Variants in FBXO4 observed in about 807,000 individuals in gnomAD.
The protein encoded by FBXO4 is F-box protein 4.
In FBXO4, 36 loss-of-function variants were observed where a neutral mutation model predicts 43.7. The observed-to-expected ratio is 0.82, with a 90% CI of 0.63 to 1.09. The LOEUF is 1.09. Among genes scored for constraint, FBXO4 ranks in the 50% least tolerant of loss-of-function variants. The pLI is 0.00. For missense variants in FBXO4, 435 were observed against 474.1 expected (o/e 0.92, Z 0.77); for synonymous variants, 180 against 165.6 (o/e 1.09, Z -0.67).
chr5:41,969,292 A>G, the FBXO4 span, among the ~76,000 whole-genome samples: 1 of 152,214 alleles, frequency 6.6e-6, no homozygotes, highest in Non-Finnish European at 1.5e-5. Context: ...TAGTTTAATG[A>G]GTGCTTATAA....
the FBXO4 span, among the ~76,000 whole-genome samples, chr5:41,976,002 C>T: frequency 6.6e-6 from 1 of 151,906 alleles, no homozygotes; most frequent in South Asian, 2.1e-4. Flanking sequence ...AGAGTGGGAG[C>T]AAGAAAGAGA....
the FBXO4 span, among the ~76,000 whole-genome samples, chr5:42,033,693 C>T: frequency 3.3e-5 from 5 of 152,138 alleles, no homozygotes; most frequent in Admixed American, 1.3e-4. Context: ...ATCCATGTGC[C>T]TGCAAAGGAT....
chr5:41,982,670 CTT>C, the FBXO4 span, among the ~76,000 whole-genome samples: 2 of 151,924 alleles, frequency 1.3e-5, no homozygotes, highest in Non-Finnish European at 2.9e-5. Flanking sequence ...TACTAATTCT[CTT>C]TGTGATAATT....
In FBXO4 at chr5:41,934,247, T is replaced by A. The variant is rs758308528; in HGVS notation, c.837T>A (p.Ile279=). The A allele has an allele frequency of 1.9e-6, 3 of 1,614,174 alleles. No homozygotes were observed. In the South Asian group the frequency reaches 3.3e-5, roughly 18 times the overall value. The change falls in exon 5 of 7, where the codon ATT becomes ATA. Residue 279 remains isoleucine, a synonymous_variant. Transcript: ENST00000281623. Reference sequence around the variant, plus strand: ...GCCGGTACAGTGTGATTCCACAGATTCAAAAAGTGTGTGAAGTTGTAGATG... The same window carrying A: ...GCCGGTACAGTGTGATTCCACAGATACAAAAAGTGTGTGAAGTTGTAGATG... ...QGSRYSVIPQ[I]QKVCEVVDGF... is the part of the protein sequence containing the mutation.
intron 3 of FBXO4, 75 bp from the exon 4 acceptor site, chr5:41,933,871 C>T: frequency 1.6e-6 from 2 of 1,229,092 alleles, no homozygotes; most frequent in Non-Finnish European, 1.2e-6. Context: ...TTTGCTTTCA[C>T]CGGGTAATTT....
At chr5:42,030,323 C>CCAAAGATCAGATG in the FBXO4 span, among the ~76,000 whole-genome samples, 1 of 152,124 alleles carries the variant, frequency 6.6e-6, no homozygotes, top group Non-Finnish European at 1.5e-5. Flanking sequence ...ACCATCTGAT[C>CCAAAGATCAGATG]TTTGACAAAC....
the FBXO4 span, among the ~76,000 whole-genome samples, chr5:42,028,071 C>T: frequency 6.6e-6 from 1 of 151,792 alleles, no homozygotes; most frequent in African/African-American, 2.4e-5. Flanking sequence ...CACATTGAGT[C>T]TAATATTTCT....
chr5:41,984,122 G>A, the FBXO4 span, among the ~76,000 whole-genome samples: 1 of 151,988 alleles, frequency 6.6e-6, no homozygotes, highest in Non-Finnish European at 1.5e-5. Context: ...TAGATAATAT[G>A]AGGTTACTAT....
In FBXO4 at chr5:41,941,194, C is replaced by T. The variant is rs753171422; in HGVS notation, c.1077C>T (p.Val359=). The T allele has an allele frequency of 6.2e-7, 1 of 1,613,030 alleles. No individual in the cohort carries two copies. Among genetic ancestry groups the T allele is most frequent in the Non-Finnish European group, 8.5e-7 (1 of 1,179,174 alleles). The part of the protein sequence containing the change: ...HLNLLNHPWL[V]QDTEAETLTG... The stretch of plus-strand genomic sequence containing the variant: ...CATTCTCTCTTATGTATTCCGAGGT[C>T]CAGGATACAGAGGCTGAAACTCTGA... The change falls in exon 7 of 7, where the codon GTC becomes GTT. Residue 359 remains valine, a splice_region_variant and synonymous_variant. Coordinates refer to ENST00000281623, the MANE Select transcript of FBXO4 (RefSeq NM_012176.3).
intron 3 of FBXO4, among the ~76,000 whole-genome samples, chr5:41,932,653 C>A (rs1335327753): frequency 6.6e-6 from 1 of 152,140 alleles, no homozygotes; most frequent in African/African-American, 2.4e-5. Context: ...TTAAAAAATT[C>A]TTCCAACTGA....
chr5:41,944,946 T>C (rs767216647), downstream of FBXO4, among the ~76,000 whole-genome samples: 5 of 152,218 alleles, frequency 3.3e-5, no homozygotes, highest in Non-Finnish European at 7.3e-5. Flanking sequence ...TTTAAAATGA[T>C]AGCAGAAGTG....
chr5:42,007,495 A>T, the FBXO4 span, among the ~76,000 whole-genome samples: 2 of 152,142 alleles, frequency 1.3e-5, no homozygotes, highest in African/African-American at 4.8e-5. Context: ...TTTAATAACT[A>T]CTAACTACAT....
intron 3 of FBXO4, among the ~76,000 whole-genome samples, chr5:41,930,540 G>A (rs1232283494): frequency 6.6e-6 from 1 of 152,208 alleles, no homozygotes; most frequent in Non-Finnish European, 1.5e-5. Flanking sequence ...AAAGGTAACG[G>A]TCAAAGAAGG....
chr5:41,978,613 A>C, the FBXO4 span, among the ~76,000 whole-genome samples: 2 of 152,130 alleles, frequency 1.3e-5, no homozygotes, highest in African/African-American at 4.8e-5. Context: ...TAACCTACTA[A>C]ACTTCAACTG....
the FBXO4 span, among the ~76,000 whole-genome samples, chr5:41,985,899 C>A: frequency 7.2e-5 from 11 of 151,932 alleles, no homozygotes; most frequent in Admixed American, 2.0e-4. Flanking sequence ...ATTAGCTGTT[C>A]CTTAGTCTAC....
At chr5:42,034,529 T>A in the FBXO4 span, among the ~76,000 whole-genome samples, 1 of 152,178 alleles carries the variant, frequency 6.6e-6, no homozygotes. Flanking sequence ...CCATCTTGAG[T>A]TCATTTTTGT....
the FBXO4 span, among the ~76,000 whole-genome samples, chr5:42,039,775 C>G: frequency 6.6e-6 from 1 of 152,084 alleles, no homozygotes; most frequent in Non-Finnish European, 1.5e-5. Context: ...GTGCCCAAAT[C>G]AATTTGACTT....
At chr5:41,990,083 A>G in the FBXO4 span, among the ~76,000 whole-genome samples, 4 of 152,146 alleles carry the variant, frequency 2.6e-5, no homozygotes, top group Non-Finnish European at 4.4e-5. Context: ...TCATAAAGCT[A>G]CATTCATAAT....
chr5:41,939,485 G>T lies in FBXO4; in HGVS notation c.943G>T (p.Asp315Tyr). The change falls in exon 6 of 7, where the codon GAT (aspartate) becomes TAT (tyrosine). Residue 315 changes from aspartate (D) to tyrosine (Y), a missense_variant. Physicochemically the swap from Asp to Tyr is radical, Grantham distance 160 (BLOSUM62 -3). Coordinates refer to ENST00000281623, the MANE Select transcript of FBXO4 (RefSeq NM_012176.3). ...DEFSHIMAMTDPAFGSSGRPL... is the reference protein window; with the variant it reads ...DEFSHIMAMTYPAFGSSGRPL... Reference sequence around the variant, plus strand: ...ATTTTCTCATATTATGGCAATGACAGATCCAGCCTTTGGGTCTTCGGGAAG... The same window carrying T: ...ATTTTCTCATATTATGGCAATGACATATCCAGCCTTTGGGTCTTCGGGAAG... 1 of 1,613,648 alleles carries T rather than the reference G, an allele frequency of 6.2e-7. No individual in the cohort carries two copies. The highest frequency in any genetic ancestry group is 1.3e-5 in the African/African-American group (1 of 75,032).
Sources: allele counts gnomAD v4.1 joint callset (sites outside exome capture counted in the v4.1 genomes callset), GRCh38; gene constraint gnomAD v4.1.1; transcripts MANE v1.5; gene names NCBI Gene and HGNC (gene_info 2026-07-23, HGNC 2026-07-21).